Variants in GHR observed in about 807,000 individuals in gnomAD.
The protein encoded by GHR is growth hormone receptor.
A neutral mutation model predicts 67.1 loss-of-function variants in GHR; 35 were observed. The ratio of observed to expected loss-of-function variants is 0.52; its 90% CI spans 0.40 to 0.69. The LOEUF is 0.69. GHR is among the 30% of genes least tolerant of loss of function. The pLI is 0.00. For synonymous variants in GHR, 272 were observed against 269.1 expected, an observed-to-expected ratio of 1.01 and a Z score of -0.10; for missense variants, 792 against 764.6, an observed-to-expected ratio of 1.04 and a Z score of -0.42.
chr5:42,644,962 C>G (rs1040567419), intron 3 of GHR, among the ~76,000 whole-genome samples: 5 of 152,092 alleles, frequency 3.3e-5, no homozygotes, highest in African/African-American at 4.8e-5. Context: ...ATGTCTATCT[C>G]ATTTCATTAT....
intron 2 of GHR, among the ~76,000 whole-genome samples, chr5:42,608,214 A>G (rs1752720701): frequency 6.6e-6 from 1 of 152,204 alleles, no homozygotes; most frequent in Non-Finnish European, 1.5e-5. Context: ...TTAAACAATA[A>G]AACAATATAA....
At chr5:42,425,268 G>A (rs1742802704) in intron 1 of GHR, among the ~76,000 whole-genome samples, 1 of 152,236 alleles carries the variant, frequency 6.6e-6, no homozygotes, top group African/African-American at 2.4e-5. Context: ...CTATGAATTT[G>A]AAATTTTCAG....
Position 42,424,994 on chromosome 5 carries a change from C to T in GHR, c.-12+1039C>T, listed in dbSNP as rs1742787507. On this transcript the variant is annotated intron_variant, in intron 1 of 9. Transcript: ENST00000230882. The surrounding 1 kb of genome is among the most constrained non-coding windows in gnomAD (Gnocchi z 4.1). ...GTGGAAGAGGCCACAGAGGTGCCGC[C>T]TGTCTGTTTGTGCCGCCAGGAGACC... 1.0e-6 allele frequency: 1 copy of T among 985,168 alleles called. No individual in the cohort carries two copies. Among genetic ancestry groups the T allele is most frequent in the African/African-American group, 1.7e-5 (1 of 57,226 alleles). 61.0% of individuals were successfully genotyped at this position (985,168 alleles called of 1,614,324 possible). A position where few individuals can be genotyped will look rare whatever the true frequency, so the allele number is the denominator to read the frequency against.
Position 42,706,300 on chromosome 5 carries a change from G to T in GHR, c.619-4907G>T, listed in dbSNP as rs188739234. ...TATAGATTCTGGATATTAGACATTT[G>T]TCAGATGTATAGTTTGCAAATATTT... is the stretch of plus-strand genomic sequence containing the variant. On this transcript the variant is annotated intron_variant, in intron 6 of 9. Coordinates refer to ENST00000230882, the MANE Select transcript of GHR (RefSeq NM_000163.5). 9.3e-4 allele frequency among the ~76,000 whole-genome samples: 142 copies of T among 152,150 alleles called. 1 individual carries two copies. Among genetic ancestry groups the T allele is most frequent in the African/African-American group, 3.2e-3 (134 of 41,508 alleles).
At chr5:42,574,711 A>T (rs1220950842) in intron 2 of GHR, among the ~76,000 whole-genome samples, 2 of 152,226 alleles carry the variant, frequency 1.3e-5, no homozygotes, top group Non-Finnish European at 2.9e-5. Context: ...GAATATTAAT[A>T]ACCAAAATAG....
Position 42,719,633 on chromosome 5 carries a change from G to A in GHR, c.*209G>A, listed in dbSNP as rs1453871731. 2 of 575,606 alleles carry A rather than the reference G, an allele frequency of 3.5e-6. No homozygotes were observed. The highest frequency in any genetic ancestry group is 6.2e-6 in the Non-Finnish European group (2 of 320,394). 35.7% of individuals were successfully genotyped at this position (575,606 alleles called of 1,614,324 possible). ...CAGATAGATATTCCTATTGTGCAAT[G>A]TAAATATTTTAAAGAATTGTGTCAG... On this transcript the variant is annotated 3_prime_UTR_variant, in exon 10 of 10. Coordinates refer to ENST00000230882, the MANE Select transcript of GHR (RefSeq NM_000163.5).
At chr5:42,610,940 T>C (rs1053275811) in intron 2 of GHR, among the ~76,000 whole-genome samples, 3 of 152,164 alleles carry the variant, frequency 2.0e-5, no homozygotes, top group Non-Finnish European at 2.9e-5. Context: ...CCAGTTACAC[T>C]CTGCCATAGG....
At chr5:42,481,625 C>A (rs968420720) in intron 1 of GHR, among the ~76,000 whole-genome samples, 1 of 152,170 alleles carries the variant, frequency 6.6e-6, no homozygotes, top group Non-Finnish European at 1.5e-5. Flanking sequence ...CTTCTCGCTT[C>A]ATTTCATTCA....
intron 1 of GHR, among the ~76,000 whole-genome samples, chr5:42,538,087 T>G (rs1748341219): frequency 6.6e-6 from 1 of 152,184 alleles, no homozygotes; most frequent in Non-Finnish European, 1.5e-5. Flanking sequence ...CAGCAGATAC[T>G]TGGTTGGTGA....
At chr5:42,527,975 C>T (rs897290600) in intron 1 of GHR, among the ~76,000 whole-genome samples, 1 of 152,050 alleles carries the variant, frequency 6.6e-6, no homozygotes, top group Non-Finnish European at 1.5e-5. Context: ...TATTTTAAGG[C>T]CACAGTTGAG....
intron 1 of GHR, among the ~76,000 whole-genome samples, chr5:42,500,902 A>G (rs1223390103): frequency 1.3e-5 from 2 of 152,244 alleles, no homozygotes; most frequent in Admixed American, 1.3e-4. Context: ...CAAAAGACAA[A>G]GATGTGTGAG....
intron 3 of GHR, among the ~76,000 whole-genome samples, chr5:42,679,847 C>T (rs993841074): frequency 2.0e-5 from 3 of 151,986 alleles, no homozygotes; most frequent in Admixed American, 1.3e-4. Flanking sequence ...CCAAAGAAGC[C>T]GTAGTTGCTG....
intron 2 of GHR, among the ~76,000 whole-genome samples, chr5:42,588,016 G>C (rs1244593614): frequency 6.6e-6 from 1 of 152,186 alleles, no homozygotes; most frequent in Non-Finnish European, 1.5e-5. Context: ...TTGCCAGAGA[G>C]GGCTGAGTCA....
intron 5 of GHR, among the ~76,000 whole-genome samples, chr5:42,697,958 T>C (rs1757757866): frequency 6.6e-6 from 1 of 152,062 alleles, no homozygotes; most frequent in Non-Finnish European, 1.5e-5. Flanking sequence ...TGGATTCTGT[T>C]ATATCTTGAA....
chr5:42,688,338 G>A lies in GHR; in HGVS notation c.137-552G>A, dbSNP rs75182061. Among the ~76,000 whole-genome samples the A allele has an allele frequency of 8.1e-4, 123 of 152,294 alleles. 1 individual carries two copies. The East Asian group carries it at 0.023, about 28-fold the overall frequency. Reference sequence around the variant, plus strand: ...CAGGTACAGCCTAGAAGTGCATGGGGGTGAACATCTCTGAGGCACCCTTCA... The same window carrying A: ...CAGGTACAGCCTAGAAGTGCATGGGAGTGAACATCTCTGAGGCACCCTTCA... On this transcript the variant is annotated intron_variant, in intron 3 of 9. Coordinates refer to ENST00000230882, the MANE Select transcript of GHR (RefSeq NM_000163.5).
intron 6 of GHR, 112 bp from the exon 7 acceptor site, chr5:42,711,095 T>C (rs1758432728): frequency 2.5e-6 from 2 of 805,798 alleles, no homozygotes; most frequent in African/African-American, 1.7e-5. Context: ...TTTAAAATAT[T>C]ACCTACTTTA....
At chr5:42,448,259 A>C (rs1743898736) in intron 1 of GHR, among the ~76,000 whole-genome samples, 1 of 151,836 alleles carries the variant, frequency 6.6e-6, no homozygotes, top group Non-Finnish European at 1.5e-5. Flanking sequence ...AACATCTATT[A>C]TTTTTTTATT....
chr5:42,529,401 A>G (rs1454249485), intron 1 of GHR, among the ~76,000 whole-genome samples: 1 of 152,140 alleles, frequency 6.6e-6, no homozygotes, highest in East Asian at 1.9e-4. Flanking sequence ...CCGGAACTGA[A>G]CTGCAGTATC....
At chr5:42,444,971 C>T (rs1485177222) in intron 1 of GHR, among the ~76,000 whole-genome samples, 1 of 152,204 alleles carries the variant, frequency 6.6e-6, no homozygotes, top group Non-Finnish European at 1.5e-5. Flanking sequence ...TCTATGTCTA[C>T]AGCCTCCCCT....
Sources: allele counts gnomAD v4.1 joint callset (sites outside exome capture counted in the v4.1 genomes callset), GRCh38; gene constraint gnomAD v4.1.1; non-coding constraint Gnocchi (gnomAD v3.1); transcripts MANE v1.5; gene names NCBI Gene and HGNC (gene_info 2026-07-23, HGNC 2026-07-21).